The following LRRIQ4 variants were observed in gnomAD, a reference collection of about 807,000 sequenced individuals.
LRRIQ4 encodes the protein leucine rich repeats and IQ motif containing 4, also known as leucine-rich repeat and IQ domain-containing protein 4.
In LRRIQ4, 21 loss-of-function variants were observed where a neutral mutation model predicts 40.1. That is an observed-to-expected ratio of 0.52 (90% CI 0.37 to 0.75). LRRIQ4 has a LOEUF of 0.75. Ranked by LOEUF, LRRIQ4 falls within the 30% of genes least tolerant of loss-of-function variation. The pLI is 0.00. For synonymous variants in LRRIQ4, 277 were observed against 277.1 expected, an observed-to-expected ratio of 1.00 and a Z score of 0.00; for missense variants, 655 against 660.0, an observed-to-expected ratio of 0.99 and a Z score of 0.08.
chr3:169,822,233 C>T lies in LRRIQ4; in HGVS notation c.312C>T (p.Asn104=), dbSNP rs201441360. Residue 104 remains asparagine, a synonymous_variant, in exon 2 of 6, where the codon AAC becomes AAT. Transcript: ENST00000340806. ...SSLESLDLSY[N]PIFSSSLVVV... The stretch of plus-strand genomic sequence containing the variant: ...TGGAGAGCCTGGACCTGAGCTACAA[C>T]CCCATCTTCTCCTCCTCCCTTGTCG... 73 of 1,605,246 alleles carry T rather than the reference C, an allele frequency of 4.5e-5. No individual in the cohort carries two copies. In the Admixed American group the frequency reaches 1.2e-3, roughly 27 times the overall value.
chr3:169,826,324 A>G (rs1022059646), intron 2 of LRRIQ4, among the ~76,000 whole-genome samples: 6 of 151,736 alleles, frequency 4.0e-5, no homozygotes, highest in Non-Finnish European at 8.8e-5. Context: ...CCCAGGAGGC[A>G]GAGGTTGCAA....
intron 1 of LRRIQ4, among the ~76,000 whole-genome samples, chr3:169,813,696 G>T (rs956623053): frequency 1.8e-4 from 27 of 152,106 alleles, no homozygotes; most frequent in Non-Finnish European, 2.9e-5. Context: ...TTTGTAACGG[G>T]GTCTTTGAGC....
intron 4 of LRRIQ4, among the ~76,000 whole-genome samples, chr3:169,831,983 T>TA (rs1411052126): frequency 1.1e-4 from 17 of 148,736 alleles, no homozygotes; most frequent in African/African-American, 4.0e-4. Flanking sequence ...GTTAAAAAAT[T>TA]TAAAAAAAAA....
intron 1 of LRRIQ4, among the ~76,000 whole-genome samples, chr3:169,813,687 T>C (rs113109133): frequency 0.035 from 5,331 of 152,206 alleles, 239 homozygotes; most frequent in South Asian, 0.12. Context: ...CCCAAAAAAT[T>C]TGTAACGGGG....
intron 4 of LRRIQ4, among the ~76,000 whole-genome samples, chr3:169,831,015 A>G (rs1415201453): frequency 6.6e-6 from 1 of 152,162 alleles, no homozygotes; most frequent in African/African-American, 2.4e-5. Context: ...AAGAAAAAGT[A>G]TTGGCCCAGA....
chr3:169,828,816 G>T lies in LRRIQ4; in HGVS notation c.1078G>T (p.Glu360Ter). ...KLKILGLTGN[E>*]FLSFPEEVLS... The stretch of plus-strand genomic sequence containing the variant: ...GAAGATACTTGGACTAACAGGAAAT[G>T]AGTTCCTTTCCTTTCCGGAGGAAGT... Residue 360 changes from glutamate to a stop codon, truncating the protein, a stop_gained, in exon 3 of 6, where the codon GAG becomes TAG. Coordinates refer to ENST00000340806, the MANE Select transcript of LRRIQ4 (RefSeq NM_001080460.3). LOFTEE classifies it high-confidence loss of function. 1 of 1,613,852 alleles carries T rather than the reference G, an allele frequency of 6.2e-7. No individual in the cohort carries two copies. Among genetic ancestry groups the T allele is most frequent in the Non-Finnish European group, 8.5e-7 (1 of 1,179,820 alleles).
rs1779896252 is a variant in LRRIQ4, at chr3:169,821,800, T to G, written c.-31-91T>G. The G allele has an allele frequency of 7.8e-6, 5 of 639,094 alleles. No individual in the cohort carries two copies. The South Asian group carries it at 1.9e-4, about 24-fold the overall frequency. The allele number at this position is 639,094 out of a possible 1,614,324, so 39.6% of individuals were successfully genotyped here. On this transcript the variant is annotated intron_variant, in intron 1 of 5. Coordinates refer to ENST00000340806, the MANE Select transcript of LRRIQ4 (RefSeq NM_001080460.3). ...TCATAATTTCAAGCACTAAGTTTAA[T>G]CAACTAGGTTTTAATTTTATTTTTC...
intron 2 of LRRIQ4, among the ~76,000 whole-genome samples, chr3:169,826,514 T>C (rs1780044660): frequency 6.6e-6 from 1 of 152,226 alleles, no homozygotes; most frequent in African/African-American, 2.4e-5. Context: ...ACAGATTTTC[T>C]ATACATCTAG....
At chr3:169,831,968 T>G (rs1465116444) in intron 4 of LRRIQ4, among the ~76,000 whole-genome samples, 1 of 141,658 alleles carries the variant, frequency 7.1e-6, no homozygotes, top group African/African-American at 2.7e-5. Context: ...TCCGTTTTAA[T>G]AAAAGTTAAA....
In LRRIQ4 at chr3:169,837,504, T is replaced by C. The variant is rs1246778977; in HGVS notation, c.1556T>C (p.Met519Thr). Residue 519 changes from methionine to threonine, a missense_variant, in exon 6 of 6, where the codon ATG (methionine) becomes ACG (threonine). Met to Thr is a moderately conservative substitution (Grantham distance 81). Transcript: ENST00000340806. ...ATTCAGGCATGGTGGCGTGGAACAA[T>C]GGTACAGAGAGGATTTGGGAAATTC... ...TKIQAWWRGT[M>T]VQRGFGKFGE... 3.1e-6 allele frequency: 5 copies of C among 1,608,956 alleles called. No homozygotes were observed. The highest frequency in any genetic ancestry group is 4.2e-6 in the Non-Finnish European group (5 of 1,178,548).
intron 2 of LRRIQ4, among the ~76,000 whole-genome samples, chr3:169,823,965 A>G (rs895531127): frequency 3.0e-4 from 46 of 152,302 alleles, no homozygotes; most frequent in African/African-American, 9.9e-4. Flanking sequence ...ATATGGATAG[A>G]TCTCAGTATT....
chr3:169,827,007 A>G (rs1175622241), intron 2 of LRRIQ4, among the ~76,000 whole-genome samples: 1 of 152,126 alleles, frequency 6.6e-6, no homozygotes, highest in African/African-American at 2.4e-5. Context: ...TTTTTCTCCA[A>G]CTGTAAGTGA....
At chr3:169,828,513 C>T (rs898314697) in intron 2 of LRRIQ4, among the ~76,000 whole-genome samples, 10 of 152,208 alleles carry the variant, frequency 6.6e-5, no homozygotes, top group African/African-American at 1.9e-4. Context: ...GGATTAAAGG[C>T]ATAAACCACC....
chr3:169,814,215 C>T (rs933529692), intron 1 of LRRIQ4, among the ~76,000 whole-genome samples: 2 of 152,040 alleles, frequency 1.3e-5, no homozygotes, highest in Admixed American at 1.3e-4. Context: ...GATGGGGAGC[C>T]AGAAAGGGAA....
chr3:169,816,102 T>A (rs1779762968), intron 1 of LRRIQ4, among the ~76,000 whole-genome samples: 1 of 152,222 alleles, frequency 6.6e-6, no homozygotes, highest in Non-Finnish European at 1.5e-5. Flanking sequence ...TACAGTTTTC[T>A]GTTTTTTGGT....
Position 169,822,815 on chromosome 3 carries a change from C to T in LRRIQ4, c.894C>T (p.Ser298=), listed in dbSNP as rs1032725282. The change falls in exon 2 of 6, where the codon TCC becomes TCT. Residue 298 remains serine (S), a synonymous_variant. Transcript: ENST00000340806. ...GNTGLHRLRG[S]FRCLVNLRFL... is the part of the protein sequence containing the mutation. The stretch of plus-strand genomic sequence containing the variant: ...CCGGCCTGCACAGGCTGCGGGGCTC[C>T]TTCAGGTGCCTGGTCAACTTGCGCT... 5 of 1,613,590 alleles carry T rather than the reference C, an allele frequency of 3.1e-6. No homozygotes were observed. The highest frequency in any genetic ancestry group is 1.3e-5 in the African/African-American group (1 of 74,940).
chr3:169,826,392 CAAAAAAAAAAAA>C (rs1322798985), intron 2 of LRRIQ4, among the ~76,000 whole-genome samples: 1 of 96,628 alleles, frequency 1.0e-5, no homozygotes, highest in Non-Finnish European at 2.1e-5. Context: ...AACTCCGCCT[CAAAAAAAAAAAA>C]AGAAAAAGAA....
chr3:169,822,401 A>T lies in LRRIQ4; in HGVS notation c.480A>T (p.Glu160Asp). ...TGNHLKCLPK[E>D]IVNQTKLREI... is the part of the protein sequence containing the mutation. ...ACCACCTGAAATGTCTGCCCAAGGAAATAGTGAACCAGACCAAGCTGAGGG... is the reference window on the plus strand; with the variant it reads ...ACCACCTGAAATGTCTGCCCAAGGATATAGTGAACCAGACCAAGCTGAGGG... The change falls in exon 2 of 6, where the codon GAA (glutamate) becomes GAT (aspartate). Residue 160 changes from glutamate (E) to aspartate (D), a missense_variant. Physicochemically the swap from Glu to Asp is conservative, Grantham distance 45. Coordinates refer to ENST00000340806, the MANE Select transcript of LRRIQ4 (RefSeq NM_001080460.3). 1 of 1,612,846 alleles carries T rather than the reference A, an allele frequency of 6.2e-7. No homozygotes were observed. Among genetic ancestry groups the T allele is most frequent in the South Asian group, 1.1e-5 (1 of 90,854 alleles).
intron 2 of LRRIQ4, among the ~76,000 whole-genome samples, chr3:169,827,980 T>C (rs962354872): frequency 2.6e-5 from 4 of 152,042 alleles, no homozygotes; most frequent in Non-Finnish European, 4.4e-5. Flanking sequence ...CATAATGGAG[T>C]TCACTGAACA....
Sources: allele counts gnomAD v4.1 joint callset (sites outside exome capture counted in the v4.1 genomes callset), GRCh38; gene constraint gnomAD v4.1.1; transcripts MANE v1.5; gene names NCBI Gene and HGNC (gene_info 2026-07-23, HGNC 2026-07-21).